PTPRM: variants seen among roughly 807,000 people sequenced by gnomAD.
PTPRM encodes protein tyrosine phosphatase receptor type M, also known as receptor-type tyrosine-protein phosphatase mu.
PTPRM carries 47 observed loss-of-function variants against 186.7 expected under a neutral mutation model. The ratio of observed to expected loss-of-function variants is 0.25; its 90% confidence interval spans 0.20 to 0.32. The LOEUF is 0.32. Among genes scored for constraint, PTPRM ranks in the 10% least tolerant of loss-of-function variants. PTPRM has a pLI of 1.00. For missense variants in PTPRM, 1,494 were observed against 1,865.0 expected, an observed-to-expected ratio of 0.80 and a Z score of 3.66; for synonymous variants, 668 against 674.9, an observed-to-expected ratio of 0.99 and a Z score of 0.16.
intron 1 of PTPRM, among the ~76,000 whole-genome samples, chr18:7,621,428 G>A (rs539608139): frequency 2.1e-3 from 323 of 152,098 alleles, no homozygotes; most frequent in African/African-American, 7.4e-3. Context: ...CTCCCACAGA[G>A]TGGTGCATTG....
At chr18:8,074,555 C>T (rs1035905527) in intron 8 of PTPRM, among the ~76,000 whole-genome samples, 1 of 152,172 alleles carries the variant, frequency 6.6e-6, no homozygotes, top group Non-Finnish European at 1.5e-5. Context: ...ACTCTTCCTT[C>T]TTGCCAGCAC....
chr18:8,396,683 C>T (rs2095846932), intron 32 of PTPRM, among the ~76,000 whole-genome samples: 1 of 152,144 alleles, frequency 6.6e-6, no homozygotes, highest in African/African-American at 2.4e-5. Context: ...TCTGGGTGCC[C>T]AGACCTCCAA....
Position 7,669,162 on chromosome 18 carries a change from T to A in PTPRM, c.73+101271T>A, listed in dbSNP as rs79919556. Among the ~76,000 whole-genome samples the A allele has an allele frequency of 6.6e-5, 10 of 152,060 alleles. No homozygotes were observed. The East Asian group carries it at 1.9e-3, about 30-fold the overall frequency. On this transcript the variant is annotated intron_variant, in intron 1 of 32. Coordinates refer to ENST00000580170, the MANE Select transcript of PTPRM (RefSeq NM_001105244.2). Reference sequence around the variant, plus strand: ...CTAGGAAAGAAAGGGCAGGGAGATGTGAAACCACTGAAGCAGTGGGGAGCT... The same window carrying A: ...CTAGGAAAGAAAGGGCAGGGAGATGAGAAACCACTGAAGCAGTGGGGAGCT...
intron 1 of PTPRM, among the ~76,000 whole-genome samples, chr18:7,603,690 A>C (rs937976059): frequency 4.6e-5 from 7 of 152,190 alleles, no homozygotes; most frequent in African/African-American, 1.7e-4. Context: ...TTGGCTTTAA[A>C]ATGGGCAAAC....
chr18:8,319,302 A>T (rs2095330868), intron 22 of PTPRM, 88 bp downstream of exon 22: 5 of 933,936 alleles, frequency 5.4e-6, no homozygotes, highest in Non-Finnish European at 8.3e-6. Flanking sequence ...CTTCAGGAAG[A>T]TATTGCACAT....
intron 2 of PTPRM, among the ~76,000 whole-genome samples, chr18:7,817,100 G>A (rs568643479): frequency 9.3e-5 from 14 of 151,190 alleles, no homozygotes; most frequent in Admixed American, 2.6e-4. Context: ...TCAGCCTCCC[G>A]AGTAGCTGGG....
At chr18:7,625,088 G>A (rs1264392780) in intron 1 of PTPRM, among the ~76,000 whole-genome samples, 1 of 152,200 alleles carries the variant, frequency 6.6e-6, no homozygotes, top group Non-Finnish European at 1.5e-5. Flanking sequence ...TGCACCTATA[G>A]TGGTCAGGGA....
intron 3 of PTPRM, among the ~76,000 whole-genome samples, chr18:7,898,774 G>A (rs776499946): frequency 3.9e-5 from 6 of 152,184 alleles, no homozygotes; most frequent in Non-Finnish European, 8.8e-5. Context: ...CAGCAAAACA[G>A]TGAAATGGAG....
intron 1 of PTPRM, among the ~76,000 whole-genome samples, chr18:7,645,055 A>G (rs1337852345): frequency 1.3e-5 from 2 of 152,210 alleles, no homozygotes; most frequent in Non-Finnish European, 2.9e-5. Flanking sequence ...TATTTGAAAC[A>G]GTTATGCATT....
At chr18:8,010,686 A>T (rs2084475459) in intron 7 of PTPRM, among the ~76,000 whole-genome samples, 1 of 152,180 alleles carries the variant, frequency 6.6e-6, no homozygotes, top group African/African-American at 2.4e-5. Context: ...ACAGCCTTGC[A>T]CATGGGAGGC....
At chr18:8,090,691 G>C (rs749237111) in intron 11 of PTPRM, among the ~76,000 whole-genome samples, 4 of 152,120 alleles carry the variant, frequency 2.6e-5, no homozygotes, top group African/African-American at 4.8e-5. Context: ...TGCCTCCCAG[G>C]TTCAAGCGAT....
At chr18:8,185,560 G>A (rs1035585540) in intron 14 of PTPRM, among the ~76,000 whole-genome samples, 1 of 152,200 alleles carries the variant, frequency 6.6e-6, no homozygotes, top group African/African-American at 2.4e-5. Context: ...CTGGCACAGG[G>A]CCTGGCAGGT....
At chr18:7,856,169 G>A (rs1402547514) in intron 2 of PTPRM, among the ~76,000 whole-genome samples, 1 of 151,714 alleles carries the variant, frequency 6.6e-6, no homozygotes, top group African/African-American at 2.4e-5. Flanking sequence ...ATTTTCCATG[G>A]GAATGGAAGA....
At chr18:7,783,164 G>T (rs2145105623) in intron 2 of PTPRM, among the ~76,000 whole-genome samples, 1 of 152,310 alleles carries the variant, frequency 6.6e-6, no homozygotes, top group South Asian at 2.1e-4. Flanking sequence ...GTTAGCATCT[G>T]GTAGTGGAGT....
At chr18:7,844,897 A>G (rs773623163) in intron 2 of PTPRM, among the ~76,000 whole-genome samples, 2 of 152,134 alleles carry the variant, frequency 1.3e-5, no homozygotes, top group Non-Finnish European at 1.5e-5. Context: ...TGTGAATCTT[A>G]CTGAGGTTCA....
At chr18:8,354,172 C>A (rs1455731761) in intron 23 of PTPRM, among the ~76,000 whole-genome samples, 1 of 150,830 alleles carries the variant, frequency 6.6e-6, no homozygotes, top group African/African-American at 2.4e-5. Flanking sequence ...TAGATCGCAC[C>A]ATTGCACTCC....
intron 1 of PTPRM, among the ~76,000 whole-genome samples, chr18:7,607,274 A>C (rs755527651): frequency 6.6e-6 from 1 of 152,168 alleles, no homozygotes; most frequent in Non-Finnish European, 1.5e-5. Context: ...AAGCATGTTT[A>C]TTACAGAAAT....
intron 7 of PTPRM, among the ~76,000 whole-genome samples, chr18:7,985,506 T>C (rs1250981157): frequency 5.4e-5 from 8 of 149,172 alleles, no homozygotes; most frequent in Admixed American, 3.4e-4. Flanking sequence ...CGTATATAAA[T>C]ATATACATAT....
intron 11 of PTPRM, among the ~76,000 whole-genome samples, chr18:8,092,515 A>T (rs1217617869): frequency 6.6e-6 from 1 of 152,084 alleles, no homozygotes; most frequent in African/African-American, 2.4e-5. Context: ...CTGAGGCTGA[A>T]GCGATCCCCC....
Sources: gnomAD v4.1 joint callset for allele counts (sites outside exome capture counted in the v4.1 genomes callset) on GRCh38, gnomAD v4.1.1 for gene constraint, MANE v1.5 for transcripts, NCBI Gene and HGNC (gene_info 2026-07-23, HGNC 2026-07-21) for gene names.